Variants in NTAQ1 observed in about 807,000 individuals in gnomAD.
The protein encoded by NTAQ1 is N-terminal glutamine amidase 1, also known as protein N-terminal glutamine amidohydrolase.
A neutral mutation model predicts 28.2 loss-of-function variants in NTAQ1; 21 were observed. That is an observed-to-expected ratio of 0.74 (90% CI 0.53 to 1.07). The LOEUF (loss-of-function observed/expected upper bound fraction) is 1.07, where lower values mean the gene tolerates loss of function less well. NTAQ1 is among the 50% of genes least tolerant of loss of function. The pLI is 0.00. For synonymous variants in NTAQ1, 105 were observed against 90.0 expected (o/e 1.17, Z -0.94); for missense variants, 264 against 256.6 (o/e 1.03, Z -0.20).
At chr8:123,458,366 A>G (rs1011504436) in intron 6 of NTAQ1, among the ~76,000 whole-genome samples, 3 of 152,022 alleles carry the variant, frequency 2.0e-5, no homozygotes, top group Non-Finnish European at 2.9e-5. Context: ...TACCGCTCCG[A>G]GCCTGTTTGT....
chr8:123,423,386 T>TCCCTCCTTTTCCTTCCTTC (rs1813846171), intron 1 of NTAQ1, among the ~76,000 whole-genome samples: 1 of 151,114 alleles, frequency 6.6e-6, no homozygotes, highest in Non-Finnish European at 1.5e-5. Context: ...TTCCTCCCTT[T>TCCCTCCTTTTCCTTCCTTC]CCCTCCTTTT....
chr8:123,437,361 G>A (rs777427257), intron 5 of NTAQ1, 27 bp downstream of exon 5: 2 of 1,612,888 alleles, frequency 1.2e-6, no homozygotes, highest in African/African-American at 2.7e-5. Context: ...TCTCAGATGG[G>A]GGTTCTGATT....
At chr8:123,418,934 A>G (rs1260432711) in intron 1 of NTAQ1, among the ~76,000 whole-genome samples, 1 of 152,244 alleles carries the variant, frequency 6.6e-6, no homozygotes, top group Non-Finnish European at 1.5e-5. Flanking sequence ...AGCCCTAGTT[A>G]TGACAACCAA....
At chr8:123,450,369 T>C (rs566788703), downstream of NTAQ1, among the ~76,000 whole-genome samples, 10 of 143,400 alleles carry the variant, frequency 7.0e-5, no homozygotes, top group South Asian at 9.0e-4. Flanking sequence ...CTAATTTCAG[T>C]AGGTTCAGGA....
downstream of NTAQ1, among the ~76,000 whole-genome samples, chr8:123,442,440 A>G (rs1271237497): frequency 6.6e-6 from 1 of 151,738 alleles, no homozygotes; most frequent in Non-Finnish European, 1.5e-5. Flanking sequence ...TCTACTAAAA[A>G]TATAAAAATT....
At chr8:123,475,290 C>T in the NTAQ1 span, among the ~76,000 whole-genome samples, 1 of 152,092 alleles carries the variant, frequency 6.6e-6, no homozygotes, top group Admixed American at 6.6e-5. Flanking sequence ...AATCTAGGCT[C>T]ATCTTGTACT....
chr8:123,444,141 T>C (rs1425718710), downstream of NTAQ1, among the ~76,000 whole-genome samples: 1 of 152,162 alleles, frequency 6.6e-6, no homozygotes, highest in Non-Finnish European at 1.5e-5. Context: ...GTGAGAAGAT[T>C]TTCTGTATGG....
intron 1 of NTAQ1, among the ~76,000 whole-genome samples, chr8:123,422,469 G>T (rs1210789059): frequency 2.6e-5 from 4 of 151,846 alleles, no homozygotes; most frequent in African/African-American, 9.7e-5. Context: ...TGGAGACAGG[G>T]TCTCTCTATG....
downstream of NTAQ1, among the ~76,000 whole-genome samples, chr8:123,445,217 A>G (rs1205046723): frequency 6.6e-6 from 1 of 152,050 alleles, no homozygotes; most frequent in Non-Finnish European, 1.5e-5. Context: ...CCTTCTTTCC[A>G]GGAATTTTCT....
At chr8:123,421,807 G>T (rs1238191297) in intron 1 of NTAQ1, among the ~76,000 whole-genome samples, 1 of 151,652 alleles carries the variant, frequency 6.6e-6, no homozygotes, top group Non-Finnish European at 1.5e-5. Flanking sequence ...TCCTGCCTCA[G>T]CCTCCCGAGT....
chr8:123,430,122 A>C, intron 3 of NTAQ1, 89 bp downstream of exon 3: 1 of 913,422 alleles, frequency 1.1e-6, no homozygotes, highest in Non-Finnish European at 1.7e-6. Flanking sequence ...AAGTGACCTA[A>C]GCAGTAGAGA....
At chr8:123,426,740 A>G (rs186119780) in intron 1 of NTAQ1, among the ~76,000 whole-genome samples, 20 of 152,124 alleles carry the variant, frequency 1.3e-4, no homozygotes, top group South Asian at 4.2e-4. Flanking sequence ...TAGGTGGATC[A>G]CTTGAGATCA....
At chr8:123,455,233 T>G (rs1052601747) in intron 6 of NTAQ1, 2 of 152,058 alleles carry the variant, frequency 1.3e-5, no homozygotes, top group African/African-American at 4.8e-5. Context: ...GGTGATTGAG[T>G]CCATGCACAC....
chr8:123,440,589 T>C (rs1815003439), intron 5 of NTAQ1, among the ~76,000 whole-genome samples: 1 of 150,222 alleles, frequency 6.7e-6, no homozygotes, highest in Non-Finnish European at 1.5e-5. Flanking sequence ...ACCCTCCAAC[T>C]CCCAGGTTCA....
downstream of NTAQ1, among the ~76,000 whole-genome samples, chr8:123,452,876 A>G (rs1213873143): frequency 6.6e-6 from 1 of 152,206 alleles, no homozygotes; most frequent in African/African-American, 2.4e-5. Context: ...GGGCAACCAG[A>G]GCGAAACTCC....
chr8:123,468,334 A>C (rs1293051586), exon 7 of NTAQ1, among the ~76,000 whole-genome samples: 1 of 152,202 alleles, frequency 6.6e-6, no homozygotes, highest in Non-Finnish European at 1.5e-5. Context: ...TCATCTTGCA[A>C]ATGGAAACTC....
intron 1 of NTAQ1, among the ~76,000 whole-genome samples, chr8:123,427,247 C>CCT (rs1814113214): frequency 1.2e-5 from 1 of 81,594 alleles, no homozygotes; most frequent in East Asian, 4.4e-4. Flanking sequence ...ATGGTCAAAG[C>CCT]TTTTTTTTTT....
intron 3 of NTAQ1, among the ~76,000 whole-genome samples, chr8:123,433,374 C>T (rs957015977): frequency 1.3e-5 from 2 of 152,194 alleles, no homozygotes; most frequent in Non-Finnish European, 2.9e-5. Context: ...GGGGTCCTTT[C>T]CTCTGTGAAA....
intron 3 of NTAQ1, among the ~76,000 whole-genome samples, chr8:123,431,499 T>C (rs1462819927): frequency 6.6e-6 from 1 of 152,188 alleles, no homozygotes; most frequent in Non-Finnish European, 1.5e-5. Flanking sequence ...AACATGTATA[T>C]ATTGAGTGTG....
Sources: allele counts gnomAD v4.1 joint callset (sites outside exome capture counted in the v4.1 genomes callset), GRCh38; gene constraint gnomAD v4.1.1; transcripts MANE v1.5; gene names NCBI Gene and HGNC (gene_info 2026-07-23, HGNC 2026-07-21).